RELN: variants seen among roughly 807,000 people sequenced by gnomAD.
RELN encodes the protein reelin.
Under a neutral mutation model 427.6 loss-of-function variants are expected in RELN, and 108 were observed. That is an observed-to-expected ratio of 0.25 (90% CI 0.22 to 0.30). The LOEUF (loss-of-function observed/expected upper bound fraction) is 0.30, where lower values mean the gene tolerates loss of function less well. Among genes scored for constraint, RELN ranks in the 10% least tolerant of loss-of-function variants. The probability of loss-of-function intolerance (pLI) is 1.00; values close to 1 mark genes in which losing one functional copy is unlikely to be tolerated. For missense variants in RELN, 3,715 were observed against 4,302.8 expected (o/e 0.86, Z 3.82); for synonymous variants, 1,524 against 1,513.4 (o/e 1.01, Z -0.16).
chr7:103,657,784 T>C (rs1395233885), intron 12 of RELN, among the ~76,000 whole-genome samples: 1 of 152,184 alleles, frequency 6.6e-6, no homozygotes, highest in Non-Finnish European at 1.5e-5. Flanking sequence ...ATATGGATTC[T>C]TCTTCAGCTT....
intron 17 of RELN, 129 bp from the exon 18 acceptor site, chr7:103,636,597 T>C (rs1832587837): frequency 4.2e-6 from 3 of 717,958 alleles, no homozygotes; most frequent in Non-Finnish European, 7.6e-6. Flanking sequence ...CATTAGTCTT[T>C]GGAGACTACT....
At chr7:103,797,082 T>C (rs1372636478) in intron 3 of RELN, among the ~76,000 whole-genome samples, 1 of 152,058 alleles carries the variant, frequency 6.6e-6, no homozygotes, top group Non-Finnish European at 1.5e-5. Context: ...AGTCATTTTA[T>C]TTTATTTATT....
chr7:103,824,010 G>T lies in RELN; in HGVS notation c.473+9527C>A, dbSNP rs62480757. ...TTCTGGCATCTTTTGTTGCTGATGA[G>T]ACCACTGTCAGATTAAATTTATAGG... On this transcript the variant is annotated intron_variant, in intron 3 of 64. Transcript: ENST00000428762. The surrounding 1 kb of genome is among the most constrained non-coding windows in gnomAD (Gnocchi z 4.4). 0.071 allele frequency among the ~76,000 whole-genome samples: 10,835 copies of T among 152,094 alleles called. 513 individuals are homozygous for T. The highest frequency in any genetic ancestry group is 0.1 in the Non-Finnish European group (6,986 of 67,968).
intron 4 of RELN, among the ~76,000 whole-genome samples, chr7:103,762,308 T>G (rs980254348): frequency 2.6e-5 from 4 of 152,200 alleles, no homozygotes; most frequent in Non-Finnish European, 5.9e-5. Flanking sequence ...ACCATCTATC[T>G]TCAAACTGGT....
intron 8 of RELN, among the ~76,000 whole-genome samples, chr7:103,722,247 T>C (rs113715321): frequency 7.2e-5 from 11 of 152,106 alleles, no homozygotes; most frequent in African/African-American, 2.2e-4. Flanking sequence ...TCAACCACAG[T>C]GGGCTCCTGG....
At chr7:103,775,220 T>A (rs779492154) in intron 4 of RELN, among the ~76,000 whole-genome samples, 1 of 152,202 alleles carries the variant, frequency 6.6e-6, no homozygotes, top group Non-Finnish European at 1.5e-5. Context: ...TGGAAGAAGA[T>A]TTGTATTATG....
Position 103,682,188 on chromosome 7 carries a change from G to A in RELN, c.1217C>T (p.Thr406Ile). ...NEGSEFNFAT[T>I]RDVDLSTEDI... Reference sequence around the variant, plus strand: ...TTCTGTGGAAAGATCTACATCCCTGGTGGTGGCAAAATTGAACTCGCTGCC... The same window carrying A: ...TTCTGTGGAAAGATCTACATCCCTGATGGTGGCAAAATTGAACTCGCTGCC... The change falls in exon 11 of 65, where the codon ACC becomes ATC. Residue 406 changes from threonine to isoleucine, a missense_variant. Physicochemically the swap from Thr to Ile is moderately conservative, Grantham distance 89. Around this residue, in one of 4 missense-constraint regions of RELN, gnomAD observed 2,208 missense variants for 2,361.7 expected, o/e 0.93. Coordinates refer to ENST00000428762, the MANE Select transcript of RELN (RefSeq NM_005045.4). 6.2e-7 allele frequency: 1 copy of A among 1,613,952 alleles called. No individual in the cohort carries two copies. The highest frequency in any genetic ancestry group is 1.1e-5 in the South Asian group (1 of 91,070).
chr7:103,662,347 C>T (rs1833161502), intron 11 of RELN, among the ~76,000 whole-genome samples: 1 of 152,152 alleles, frequency 6.6e-6, no homozygotes, highest in African/African-American at 2.4e-5. Flanking sequence ...GACCAGCAGG[C>T]ATGGTGGCTC....
At chr7:103,897,539 G>A (rs1429463121) in intron 2 of RELN, among the ~76,000 whole-genome samples, 1 of 151,978 alleles carries the variant, frequency 6.6e-6, no homozygotes, top group Non-Finnish European at 1.5e-5. Flanking sequence ...TTAAACTGAT[G>A]AAAAATGAAT....
In RELN at chr7:103,620,982, A is replaced by G. The variant is rs1832205398; in HGVS notation, c.2702+8958T>C. On this transcript the variant is annotated intron_variant, in intron 20 of 64. Transcript: ENST00000428762. The surrounding 1 kb of genome is among the most constrained non-coding windows in gnomAD (Gnocchi z 4.1). Reference sequence around the variant, plus strand: ...AGAGAAAATACACGAGGAATCTTTGAAATTATCTTTCTTTTTCCTTCCAAC... The same window carrying G: ...AGAGAAAATACACGAGGAATCTTTGGAATTATCTTTCTTTTTCCTTCCAAC... Among the ~76,000 whole-genome samples, 1 of 152,154 alleles carries G rather than the reference A, an allele frequency of 6.6e-6. No individual in the cohort carries two copies. The highest frequency in any genetic ancestry group is 6.5e-5 in the Admixed American group (1 of 15,276).
chr7:103,952,055 T>C (rs757343632), intron 1 of RELN, among the ~76,000 whole-genome samples: 89 of 152,282 alleles, frequency 5.8e-4, no homozygotes, highest in Admixed American at 4.9e-3. Flanking sequence ...TCAGTTCTTA[T>C]TTTGGGTACT....
At chr7:103,974,822 T>A (rs1796837968) in intron 1 of RELN, among the ~76,000 whole-genome samples, 1 of 152,240 alleles carries the variant, frequency 6.6e-6, no homozygotes, top group Admixed American at 6.5e-5. Flanking sequence ...AAATGAAAAT[T>A]TAAATACAAA....
chr7:103,641,350 T>A (rs1832689968), intron 16 of RELN, among the ~76,000 whole-genome samples: 1 of 152,208 alleles, frequency 6.6e-6, no homozygotes, highest in African/African-American at 2.4e-5. Flanking sequence ...TTCAAAGTAT[T>A]TACATAATTT....
chr7:103,670,911 C>G (rs1562949709), intron 11 of RELN, among the ~76,000 whole-genome samples: 1 of 152,002 alleles, frequency 6.6e-6, no homozygotes, highest in Non-Finnish European at 1.5e-5. Flanking sequence ...TATTAAAACA[C>G]CTAAAGTTGG....
chr7:103,961,335 G>A (rs1243917140), intron 1 of RELN, among the ~76,000 whole-genome samples: 1 of 152,022 alleles, frequency 6.6e-6, no homozygotes, highest in African/African-American at 2.4e-5. Flanking sequence ...ATCTATTTTT[G>A]CCTCACCTAC....
At chr7:103,738,885 G>C (rs1428760411) in intron 6 of RELN, among the ~76,000 whole-genome samples, 1 of 151,808 alleles carries the variant, frequency 6.6e-6, no homozygotes, top group Non-Finnish European at 1.5e-5. Context: ...GTTTCACCAC[G>C]TTGGCCAGGA....
At chr7:103,518,585 C>G (rs1448606861) in intron 49 of RELN, among the ~76,000 whole-genome samples, 1 of 149,002 alleles carries the variant, frequency 6.7e-6, no homozygotes, top group Non-Finnish European at 1.5e-5. Flanking sequence ...ATCCTCCTGC[C>G]TTGGCTTCCC....
chr7:103,746,965 G>A (rs571293880), intron 6 of RELN, among the ~76,000 whole-genome samples: 51 of 152,224 alleles, frequency 3.4e-4, no homozygotes, highest in African/African-American at 1.2e-3. Flanking sequence ...ACATGCACAC[G>A]TATGTTTATA....
chr7:103,555,015 T>A (rs1830493125), intron 38 of RELN, among the ~76,000 whole-genome samples: 1 of 152,200 alleles, frequency 6.6e-6, no homozygotes, highest in Admixed American at 6.5e-5. Flanking sequence ...TAATACTCCA[T>A]GTTTTCTTAA....
Sources: gnomAD v4.1 joint callset for allele counts (sites outside exome capture counted in the v4.1 genomes callset) on GRCh38, gnomAD v4.1.1 for gene constraint, gnomAD v4.1.1 regional missense constraint, Gnocchi (gnomAD v3.1) non-coding constraint, MANE v1.5 for transcripts, NCBI Gene and HGNC (gene_info 2026-07-23, HGNC 2026-07-21) for gene names.